Variants in C1orf21 observed in about 807,000 individuals in gnomAD.
The protein encoded by C1orf21 is uncharacterized protein C1orf21.
C1orf21 carries 3 observed loss-of-function variants against 18.7 expected under a neutral mutation model. The ratio of observed to expected loss-of-function variants is 0.16; its 90% confidence interval spans 0.07 to 0.42. The LOEUF (loss-of-function observed/expected upper bound fraction) is 0.42. Among genes scored for constraint, C1orf21 ranks in the 10% least tolerant of loss-of-function variants. The pLI, the probability that C1orf21 is intolerant of heterozygous loss-of-function variation, is 0.99. For synonymous variants in C1orf21, 41 were observed against 46.4 expected, an observed-to-expected ratio of 0.88 and a Z score of 0.47; for missense variants, 104 against 143.6, an observed-to-expected ratio of 0.72 and a Z score of 1.41.
chr1:184,475,063 G>A (rs778276081), intron 1 of C1orf21, among the ~76,000 whole-genome samples: 19 of 152,140 alleles, frequency 1.2e-4, no homozygotes, highest in Non-Finnish European at 2.5e-4. Flanking sequence ...AGCAGCCTCC[G>A]GGTTAGAGAG....
chr1:184,502,674 TC>T (rs1361002139), intron 2 of C1orf21, among the ~76,000 whole-genome samples: 1 of 152,096 alleles, frequency 6.6e-6, no homozygotes, highest in Non-Finnish European at 1.5e-5. Context: ...TCTTTATACT[TC>T]CCCTCGTAGA....
At chr1:184,581,146 G>T (rs1659268924) in intron 3 of C1orf21, among the ~76,000 whole-genome samples, 1 of 152,140 alleles carries the variant, frequency 6.6e-6, no homozygotes, top group African/African-American at 2.4e-5. Flanking sequence ...ATTAATATTG[G>T]CTGGGCGAGG....
At chr1:184,461,476 A>G (rs1657307012) in intron 1 of C1orf21, among the ~76,000 whole-genome samples, 1 of 152,172 alleles carries the variant, frequency 6.6e-6, no homozygotes, top group Admixed American at 6.5e-5. Context: ...CAGTGAGCCC[A>G]TTTCCTGCAC....
intron 3 of C1orf21, among the ~76,000 whole-genome samples, chr1:184,548,214 A>AACACACACACACAC (rs58174774): frequency 3.2e-4 from 45 of 140,036 alleles, no homozygotes; most frequent in African/African-American, 7.5e-4. Flanking sequence ...TCAAATCCCC[A>AACACACACACACAC]ACACACACAC....
intron 3 of C1orf21, among the ~76,000 whole-genome samples, chr1:184,554,861 A>C (rs1263204890): frequency 6.6e-6 from 1 of 152,126 alleles, no homozygotes; most frequent in African/African-American, 2.4e-5. Flanking sequence ...TAGAAGTAAA[A>C]ATTTAAGCTT....
intron 3 of C1orf21, among the ~76,000 whole-genome samples, chr1:184,527,274 G>GGA (rs1658391515): frequency 6.6e-6 from 1 of 152,180 alleles, no homozygotes; most frequent in Non-Finnish European, 1.5e-5. Context: ...TGGCAGCTAT[G>GGA]CTTAGAACAA....
At chr1:184,507,809 TAGCTTGCCTGGA>T in intron 3 of C1orf21, 127 bp downstream of exon 3, 3 of 738,326 alleles carry the variant, frequency 4.1e-6, no homozygotes, top group Non-Finnish European at 6.4e-6. Context: ...CAGCTATTTA[TAGCTTGCCTGGA>T]AGCTGCACCA....
intron 3 of C1orf21, among the ~76,000 whole-genome samples, chr1:184,544,593 C>T (rs1658702451): frequency 2.0e-5 from 3 of 152,338 alleles, no homozygotes; most frequent in Non-Finnish European, 4.4e-5. Context: ...TACCATTGAT[C>T]TACGTAGTCT....
At chr1:184,535,709 G>A (rs1395317068) in intron 3 of C1orf21, among the ~76,000 whole-genome samples, 1 of 152,098 alleles carries the variant, frequency 6.6e-6, no homozygotes, top group East Asian at 1.9e-4. Flanking sequence ...ATTAAAGCTG[G>A]GTACTTTCAC....
At chr1:184,566,636 C>G in intron 3 of C1orf21, 1 of 385,738 alleles carries the variant, frequency 2.6e-6, no homozygotes. Context: ...GGTCACAGCT[C>G]TTTTGGGGCA....
chr1:184,494,840 T>C (rs1270824148), intron 2 of C1orf21, among the ~76,000 whole-genome samples: 1 of 144,870 alleles, frequency 6.9e-6, no homozygotes, highest in African/African-American at 2.6e-5. Context: ...TGTTTTTTGC[T>C]TTTGCTTTTT....
intron 1 of C1orf21, among the ~76,000 whole-genome samples, chr1:184,435,612 G>A (rs909335611): frequency 1.3e-5 from 2 of 152,156 alleles, no homozygotes; most frequent in African/African-American, 2.4e-5. Flanking sequence ...CAAAGTGCTG[G>A]GATTCCAGGC....
At chr1:184,479,410 C>T (rs927527671) in intron 2 of C1orf21, among the ~76,000 whole-genome samples, 9 of 152,170 alleles carry the variant, frequency 5.9e-5, no homozygotes, top group Non-Finnish European at 1.2e-4. Flanking sequence ...AAGGCATTTA[C>T]ATTCATTTTT....
chr1:184,449,051 TTTATTA>T (rs369944117), intron 1 of C1orf21, among the ~76,000 whole-genome samples: 1,942 of 152,024 alleles, frequency 0.013, 45 homozygotes, highest in African/African-American at 0.045. Flanking sequence ...CTAGATTTCT[TTTATTA>T]TTATTATTAT....
At chr1:184,565,449 T>A (rs1347096046) in intron 3 of C1orf21, among the ~76,000 whole-genome samples, 1 of 152,242 alleles carries the variant, frequency 6.6e-6, no homozygotes, top group Non-Finnish European at 1.5e-5. Flanking sequence ...CTTTTAAAGA[T>A]CTGGCCACCT....
chr1:184,406,935 A>AGGTG (rs1301152673), intron 1 of C1orf21, among the ~76,000 whole-genome samples: 3 of 152,150 alleles, frequency 2.0e-5, no homozygotes, highest in Non-Finnish European at 4.4e-5. Flanking sequence ...ATGGGATTAC[A>AGGTG]GGTGTGAGCC....
At position 184,623,783 on chromosome 1, in the gene C1orf21, G is replaced by C. The variant is rs1170240143; in HGVS notation, c.*4227G>C. 6.6e-6 allele frequency: 1 copy of C among 152,576 alleles called. No homozygotes were observed. Among genetic ancestry groups the C allele is most frequent in the Non-Finnish European group, 1.5e-5 (1 of 68,018 alleles). 9.5% of individuals were successfully genotyped at this position (152,576 alleles called of 1,614,324 possible). On this transcript the variant is annotated 3_prime_UTR_variant, in exon 6 of 6. Transcript: ENST00000235307. ...CCTTGACTTTGGCAGTCACCTTTTT[G>C]TATGTCTCTAGAAAGGGGTCAAAAA...
intron 1 of C1orf21, among the ~76,000 whole-genome samples, chr1:184,396,748 C>G (rs1188306501): frequency 1.3e-5 from 2 of 152,154 alleles, no homozygotes; most frequent in Non-Finnish European, 2.9e-5. Flanking sequence ...CCACGTACCT[C>G]CTCTCCTTGT....
intron 1 of C1orf21, among the ~76,000 whole-genome samples, chr1:184,454,329 A>G (rs1331547919): frequency 6.6e-6 from 1 of 152,220 alleles, no homozygotes; most frequent in East Asian, 1.9e-4. Flanking sequence ...TTGAAACCAA[A>G]GAAAATGACT....
Sources: allele counts gnomAD v4.1 joint callset (sites outside exome capture counted in the v4.1 genomes callset), GRCh38; gene constraint gnomAD v4.1.1; transcripts MANE v1.5; gene names NCBI Gene and HGNC (gene_info 2026-07-23, HGNC 2026-07-21).